Variants in RFX2 observed in about 807,000 individuals in gnomAD.
The protein encoded by RFX2 is regulatory factor X2.
Under a neutral mutation model 87.8 loss-of-function variants are expected in RFX2, and 20 were observed. The observed-to-expected ratio is 0.23, with a 90% CI of 0.16 to 0.33. RFX2 has a LOEUF of 0.33. RFX2 is among the 10% of genes least tolerant of loss of function. The pLI, the probability that RFX2 is intolerant of heterozygous loss-of-function variation, is 1.00. For synonymous variants in RFX2, 397 were observed against 431.3 expected, an observed-to-expected ratio of 0.92 and a Z score of 0.98; for missense variants, 767 against 1,012.3, an observed-to-expected ratio of 0.76 and a Z score of 3.29.
intron 1 of RFX2, among the ~76,000 whole-genome samples, chr19:6,071,468 C>A (rs1289091380): frequency 1.3e-5 from 2 of 152,138 alleles, no homozygotes; most frequent in Non-Finnish European, 2.9e-5. Flanking sequence ...ATCCCCTCAG[C>A]AAGACCCAGG....
intron 1 of RFX2, among the ~76,000 whole-genome samples, chr19:6,098,413 C>G (rs369945288): frequency 6.6e-6 from 1 of 151,856 alleles, no homozygotes; most frequent in Non-Finnish European, 1.5e-5. Context: ...GTAAAGAGGC[C>G]GCAAGATAGA....
At chr19:5,995,987 T>C (rs1310019457) in intron 16 of RFX2, among the ~76,000 whole-genome samples, 2 of 152,168 alleles carry the variant, frequency 1.3e-5, no homozygotes, top group Non-Finnish European at 2.9e-5. Flanking sequence ...CCCTGAAGTC[T>C]GTACACAGCA....
rs570969523 is a variant in RFX2, at chr19:6,102,734, T to A, written c.-9+7659A>T. Among the ~76,000 whole-genome samples, 4 of 152,272 alleles carry A rather than the reference T, an allele frequency of 2.6e-5. No individual in the cohort carries two copies. The South Asian group carries it at 8.3e-4, about 32-fold the overall frequency. On this transcript the variant is annotated intron_variant, in intron 1 of 17. Coordinates refer to ENST00000303657, the MANE Select transcript of RFX2 (RefSeq NM_000635.4). ...TTTCAGTCTCAGCTCAACTGTCACC[T>A]CCTTAAAAACTGCTGGACGCCAGGA...
intron 1 of RFX2, chr19:6,109,434 T>A (rs2088271749): frequency 6.6e-6 from 1 of 151,824 alleles, no homozygotes; most frequent in Non-Finnish European, 1.5e-5. Context: ...GATGAAAAGG[T>A]GAGAAGGGCA....
chr19:6,006,785 G>T (rs1436486786), intron 12 of RFX2, among the ~76,000 whole-genome samples: 1 of 150,070 alleles, frequency 6.7e-6, no homozygotes, highest in Non-Finnish European at 1.5e-5. Flanking sequence ...TAGAGACAGG[G>T]TCTCACTATG....
At chr19:6,103,161 C>A (rs1245510429) in intron 1 of RFX2, among the ~76,000 whole-genome samples, 1 of 152,140 alleles carries the variant, frequency 6.6e-6, no homozygotes, top group Non-Finnish European at 1.5e-5. Context: ...TTTTTAATGG[C>A]TTTTCAGCTT....
intron 1 of RFX2, among the ~76,000 whole-genome samples, chr19:6,108,343 A>G (rs1297565972): frequency 6.6e-6 from 1 of 152,178 alleles, no homozygotes; most frequent in African/African-American, 2.4e-5. Flanking sequence ...AGAGCAGGAG[A>G]AAGCACAGAT....
chr19:6,090,267 C>T (rs892382965), intron 1 of RFX2, among the ~76,000 whole-genome samples: 3 of 150,910 alleles, frequency 2.0e-5, no homozygotes, highest in African/African-American at 7.3e-5. Context: ...CATGCCAGCC[C>T]AGATAACACC....
intron 7 of RFX2, among the ~76,000 whole-genome samples, chr19:6,015,074 G>C (rs2086707124): frequency 6.6e-6 from 1 of 152,182 alleles, no homozygotes. Flanking sequence ...TGTGGCCTGT[G>C]ATGTCCCGGG....
In RFX2 at chr19:6,050,497, A is replaced by C. The variant is rs966801489; in HGVS notation, c.-8-2993T>G. 6.6e-6 allele frequency among the ~76,000 whole-genome samples: 1 copy of C among 152,224 alleles called. No homozygotes were observed. Among genetic ancestry groups the C allele is most frequent in the African/African-American group, 2.4e-5 (1 of 41,472 alleles). ...ATACATAATGAATGAACATATGGGA[A>C]TCTCAATCAAGAAACAAAGTATAAA... On this transcript the variant is annotated intron_variant, in intron 1 of 17. Transcript: ENST00000303657. The surrounding 1 kb of genome is among the most constrained non-coding windows in gnomAD (Gnocchi z 4.6).
chr19:6,031,537 C>A (rs1375405819), intron 5 of RFX2, among the ~76,000 whole-genome samples: 3 of 133,662 alleles, frequency 2.2e-5, no homozygotes, highest in African/African-American at 8.4e-5. Flanking sequence ...TCAAGCAATT[C>A]TCCTGCCTCA....
intron 1 of RFX2, among the ~76,000 whole-genome samples, chr19:6,076,411 T>C (rs1414011444): frequency 1.3e-5 from 2 of 152,282 alleles, no homozygotes; most frequent in East Asian, 3.9e-4. Context: ...TACCTTACGG[T>C]GCATCCTAGC....
Position 6,042,141 on chromosome 19 carries a change from C to T in RFX2, c.181-18G>A. ...GGCTGCACCTGAAACATCGGATACG[C>T]TGCGTTACCGCCAGTCACGCCCTCG... On this transcript the variant is annotated intron_variant, in intron 3 of 17. Transcript: ENST00000303657. The T allele has an allele frequency of 1.9e-6, 3 of 1,612,020 alleles. No individual in the cohort carries two copies. Among genetic ancestry groups the T allele is most frequent in the Non-Finnish European group, 2.5e-6 (3 of 1,179,074 alleles).
At chr19:6,109,549 G>C (rs1324626198) in intron 1 of RFX2, among the ~76,000 whole-genome samples, 1 of 152,164 alleles carries the variant, frequency 6.6e-6, no homozygotes, top group Non-Finnish European at 1.5e-5. Context: ...CCATTAAAAA[G>C]GGGGTCCCCG....
At chr19:6,066,317 A>T (rs1247070011) in intron 1 of RFX2, among the ~76,000 whole-genome samples, 2 of 152,120 alleles carry the variant, frequency 1.3e-5, no homozygotes, top group Admixed American at 6.5e-5. Context: ...TCCAATTTCC[A>T]CCCTCAGCCA....
intron 16 of RFX2, 34 bp from the exon 17 acceptor site, chr19:5,995,677 A>G (rs2144654919): frequency 6.5e-7 from 1 of 1,549,268 alleles, no homozygotes; most frequent in Non-Finnish European, 8.7e-7. Flanking sequence ...GGGCGCCTGC[A>G]GAGGGGCGGC....
At chr19:6,087,043 C>G (rs1401625403) in intron 1 of RFX2, among the ~76,000 whole-genome samples, 1 of 151,874 alleles carries the variant, frequency 6.6e-6, no homozygotes, top group Admixed American at 6.6e-5. Context: ...TTGAGGACTC[C>G]AATTCAGACG....
chr19:6,049,038 C>T (rs939483547), intron 1 of RFX2: 1 of 152,234 alleles, frequency 6.6e-6, no homozygotes, highest in Non-Finnish European at 1.5e-5. Context: ...CCTTACACAG[C>T]CCGCACCTCC....
intron 1 of RFX2, among the ~76,000 whole-genome samples, chr19:6,087,052 C>T (rs947452673): frequency 3.3e-5 from 5 of 151,982 alleles, no homozygotes; most frequent in Non-Finnish European, 7.4e-5. Context: ...CCAATTCAGA[C>T]GAGCTTCGTT....
Sources: allele counts gnomAD v4.1 joint callset (sites outside exome capture counted in the v4.1 genomes callset), GRCh38; gene constraint gnomAD v4.1.1; non-coding constraint Gnocchi (gnomAD v3.1); transcripts MANE v1.5; gene names NCBI Gene and HGNC (gene_info 2026-07-23, HGNC 2026-07-21).